CTSF: variants seen among roughly 807,000 people sequenced by gnomAD.
The protein encoded by CTSF is cathepsin F.
A neutral mutation model predicts 63.5 loss-of-function variants in CTSF; 65 were observed. The observed-to-expected ratio is 1.02, with a 90% CI of 0.84 to 1.26. The LOEUF (loss-of-function observed/expected upper bound fraction) is 1.26. CTSF is among the 50% of genes most tolerant of loss of function. The pLI, the probability that CTSF is intolerant of heterozygous loss-of-function variation, is 0.00. For synonymous variants in CTSF, 256 were observed against 258.1 expected (o/e 0.99, Z 0.08); for missense variants, 641 against 631.0 (o/e 1.02, Z -0.17).
rs754063980 is a variant in CTSF, at chr11:66,568,086, G to A, written c.214-4C>T. Reference sequence around the variant, plus strand: ...AGTACAGCGACCCCTGACCCGCCTGGAGAGAGGAGTAGGTGAGGCGGGCAC... The same window carrying A: ...AGTACAGCGACCCCTGACCCGCCTGAAGAGAGGAGTAGGTGAGGCGGGCAC... On this transcript the variant is annotated splice_polypyrimidine_tract_variant and splice_region_variant and intron_variant, in intron 1 of 12. Transcript: ENST00000310325. 6.2e-7 allele frequency: 1 copy of A among 1,605,344 alleles called. No homozygotes were observed. The highest frequency in any genetic ancestry group is 8.5e-7 in the Non-Finnish European group (1 of 1,177,222).
Position 66,566,393 on chromosome 11 carries a change from G to C in CTSF, c.619C>G (p.Arg207Gly), listed in dbSNP as rs1210192124. 2 of 1,613,886 alleles carry C rather than the reference G, an allele frequency of 1.2e-6. No individual in the cohort carries two copies. The highest frequency in any genetic ancestry group is 1.3e-5 in the African/African-American group (1 of 75,002). ...TYESKEEARW[R>G]LSVFVNNMVR... ...ATGTTATTGACAAAGACGGACAGGC[G>C]CCACCGGGCTTCTGAGGACCAAGGA... Residue 207 changes from arginine (R) to glycine (G), a missense_variant, in exon 5 of 13, where the codon CGC becomes GGC. Transcript: ENST00000310325.
rs1857890299 is a variant in CTSF at position 66,564,739 on chromosome 11, C to T, written c.1230+3G>A. The T allele has an allele frequency of 6.2e-7, 1 of 1,613,904 alleles. No homozygotes were observed. The highest frequency in any genetic ancestry group is 8.5e-7 in the Non-Finnish European group (1 of 1,180,008). On this transcript the variant is annotated splice_donor_region_variant and intron_variant, in intron 10 of 12. Coordinates refer to ENST00000310325, the MANE Select transcript of CTSF (RefSeq NM_003793.4). Reference sequence around the variant, plus strand: ...GGCAGGGGCAGTGGGGCTAGGGCCTCACCTGCATGCCAAAGGCATTGATGG... The same window carrying T: ...GGCAGGGGCAGTGGGGCTAGGGCCTTACCTGCATGCCAAAGGCATTGATGG...
At position 66,564,912 on chromosome 11, in the gene CTSF, G is replaced by A. The variant is rs143674429; in HGVS notation, c.1140C>T (p.Ser380=). Residue 380 remains serine (S), a synonymous_variant, in exon 9 of 13, where the codon TCC becomes TCT. Coordinates refer to ENST00000310325, the MANE Select transcript of CTSF (RefSeq NM_003793.4). ...AEKAKVYIND[S]VELSQNEQKL... is the part of the protein sequence containing the mutation. Reference sequence around the variant, plus strand: ...TCTGCTCGTTCTGGCTCAGCTCCACGGAGTCATTGATGTAGACCTTGGCCT... The same window carrying A: ...TCTGCTCGTTCTGGCTCAGCTCCACAGAGTCATTGATGTAGACCTTGGCCT... 5.7e-5 allele frequency: 92 copies of A among 1,610,686 alleles called. No homozygotes were observed. Among genetic ancestry groups the A allele is most frequent in the African/African-American group, 9.4e-5 (7 of 74,850 alleles).
Position 66,568,592 on chromosome 11 carries a change from G to A in CTSF, c.-106C>T, listed in dbSNP as rs560375152. 6.2e-5 allele frequency: 82 copies of A among 1,314,042 alleles called. No homozygotes were observed. The highest frequency in any genetic ancestry group is 2.7e-4 in the South Asian group (17 of 63,406). 81.4% of individuals were successfully genotyped at this position (1,314,042 alleles called of 1,614,324 possible). A position where few individuals can be genotyped will look rare whatever the true frequency, so the allele number is the denominator to read the frequency against. ...TGAGTCCTCCCTCCAGCGGGGCGAC[G>A]GCACGCCGACCAATGGGCGCTGGTT... is the stretch of plus-strand genomic sequence containing the variant. On this transcript the variant is annotated 5_prime_UTR_variant, in exon 1 of 13. Coordinates refer to ENST00000310325, the MANE Select transcript of CTSF (RefSeq NM_003793.4).
In CTSF at chr11:66,567,279, T is replaced by C. The variant is rs1857952352; in HGVS notation, c.574A>G (p.Ile192Val). The part of the protein sequence containing the change: ...KMASIFKNFV[I>V]TYNRTYESKE... ...GACTCATATGTCCGGTTATAGGTAA[T>C]GACAAAGTTCTTGAAGATTGAAGCC... The change falls in exon 4 of 13, where the codon ATT (isoleucine) becomes GTT (valine). Residue 192 changes from isoleucine to valine, a missense_variant. Physicochemically the swap from Ile to Val is conservative, Grantham distance 29. Coordinates refer to ENST00000310325, the MANE Select transcript of CTSF (RefSeq NM_003793.4). 1 of 1,614,192 alleles carries C rather than the reference T, an allele frequency of 6.2e-7. No individual in the cohort carries two copies. The highest frequency in any genetic ancestry group is 8.5e-7 in the Non-Finnish European group (1 of 1,180,040).
chr11:66,566,262 T>C (rs767970620), intron 5 of CTSF, 29 bp downstream of exon 5: 1 of 1,614,010 alleles, frequency 6.2e-7, no homozygotes, highest in East Asian at 2.2e-5. Context: ...TCTTCCTGGA[T>C]CCATGAGGAC....
chr11:66,568,125 C>G, intron 1 of CTSF, 43 bp from the exon 2 acceptor site: 1 of 1,593,476 alleles, frequency 6.3e-7, no homozygotes, highest in Non-Finnish European at 8.5e-7. Flanking sequence ...CGGCCCTTGA[C>G]GGCGCCCAAG....
In CTSF at chr11:66,564,413, G is replaced by A. The variant is rs1857879810; in HGVS notation, c.1321+145C>T. 10 of 829,990 alleles carry A rather than the reference G, an allele frequency of 1.2e-5. No individual in the cohort carries two copies. The South Asian group carries it at 1.6e-4, about 14-fold the overall frequency. 51.4% of individuals were successfully genotyped at this position (829,990 alleles called of 1,614,324 possible). ...CTTCCCTGCCATAGAGAGGACAGAT[G>A]ATGCCCAGCTGGTCATGGCCCAGGC... On this transcript the variant is annotated intron_variant, in intron 11 of 12. Coordinates refer to ENST00000310325, the MANE Select transcript of CTSF (RefSeq NM_003793.4).
rs774163854 is a variant in CTSF, at chr11:66,566,415, AG to A, written c.608-12del. The A allele has an allele frequency of 2.5e-6, 4 of 1,613,364 alleles. No homozygotes were observed. The highest frequency in any genetic ancestry group is 3.4e-6 in the Non-Finnish European group (4 of 1,179,720). On this transcript the variant is annotated splice_polypyrimidine_tract_variant and intron_variant, in intron 4 of 12. Coordinates refer to ENST00000310325, the MANE Select transcript of CTSF (RefSeq NM_003793.4). ...GGCGCCACCGGGCTTCTGAGGACCA[AG>A]GAGCAGAAGAGGAGGGGTTCGACCC... is the stretch of plus-strand genomic sequence containing the variant.
chr11:66,565,012 G>C lies in CTSF; in HGVS notation c.1046-6C>G. The C allele has an allele frequency of 6.4e-7, 1 of 1,552,824 alleles. No individual in the cohort carries two copies. The highest frequency in any genetic ancestry group is 8.7e-7 in the Non-Finnish European group (1 of 1,146,386). On this transcript the variant is annotated splice_region_variant and splice_polypyrimidine_tract_variant and intron_variant, in intron 8 of 12. Transcript: ENST00000310325. ...ATCCTCTGTCTCCAGCCCTCCTGGG[G>C]AACGGTGGGGGTGAGTAGAGAAGGG...
Position 66,567,586 on chromosome 11 carries a change from T to C in CTSF, c.389A>G (p.Lys130Arg). The C allele has an allele frequency of 6.2e-7, 1 of 1,614,214 alleles. No homozygotes were observed. The highest frequency in any genetic ancestry group is 2.2e-5 in the East Asian group (1 of 44,886). ...CTTGGGCTCCCCAGCACCTGGAACCTTGGTGTCCACTGGGCCACAGTCCTT... is the reference window on the plus strand; with the variant it reads ...CTTGGGCTCCCCAGCACCTGGAACCCTGGTGTCCACTGGGCCACAGTCCTT... ...LRKDCGPVDTKVPGAGEPKSA... is the reference protein window; with the variant it reads ...LRKDCGPVDTRVPGAGEPKSA... Residue 130 changes from lysine to arginine, a missense_variant, in exon 3 of 13, where the codon AAG (lysine) becomes AGG (arginine). Lys to Arg is a conservative substitution (Grantham distance 26). Transcript: ENST00000310325.
chr11:66,566,423 A>G lies in CTSF; in HGVS notation c.608-19T>C. ...CGGGCTTCTGAGGACCAAGGAGCAG[A>G]AGAGGAGGGGTTCGACCCCAGGCAG... On this transcript the variant is annotated intron_variant, in intron 4 of 12. Transcript: ENST00000310325. 2.5e-6 allele frequency: 4 copies of G among 1,612,438 alleles called. No individual in the cohort carries two copies. The highest frequency in any genetic ancestry group is 3.4e-6 in the Non-Finnish European group (4 of 1,179,192).
Position 66,567,432 on chromosome 11 carries a change from AGGGCTCCTCACCT to A in CTSF, c.530_531+11del, listed in dbSNP as rs2134954887. 2.5e-6 allele frequency: 4 copies of A among 1,610,880 alleles called. No homozygotes were observed. The highest frequency in any genetic ancestry group is 3.4e-6 in the Non-Finnish European group (4 of 1,179,490). On this transcript the variant is annotated splice_donor_variant and splice_donor_5th_base_variant and coding_sequence_variant and intron_variant, in exon 3 of 13. Transcript: ENST00000310325. LOFTEE classifies it high-confidence loss of function. ...CTCAAGCTGAGGGCTCCTCAAGCTG[AGGGCTCCTCACCT>A]GGGACAGGGGATCCTCATTCAACAG...
rs201500574 is a variant in CTSF, at chr11:66,564,952, T to C, written c.1100A>G (p.Asn367Ser). 62 of 1,599,566 alleles carry C rather than the reference T, an allele frequency of 3.9e-5. No homozygotes were observed. The highest frequency in any genetic ancestry group is 3.7e-4 in the Admixed American group (22 of 59,502). ...GACCTTGGCCTTCTCTGCTGAGAAGTTGCAGGACTGCATGTGACCCTGGTA... is the reference window on the plus strand; with the variant it reads ...GACCTTGGCCTTCTCTGCTGAGAAGCTGCAGGACTGCATGTGACCCTGGTA... ...YSYQGHMQSCNFSAEKAKVYI... is the reference protein window; with the variant it reads ...YSYQGHMQSCSFSAEKAKVYI... The change falls in exon 9 of 13, where the codon AAC (asparagine) becomes AGC (serine). Residue 367 changes from asparagine (N) to serine (S), a missense_variant. Asn to Ser is a conservative substitution (Grantham distance 46). Transcript: ENST00000310325.
chr11:66,564,631 G>A lies in CTSF; in HGVS notation c.1248C>T (p.Ile416=). ...AFGMQFYRHG[I]SRPLRPLCSP... ...TGCAGAGGGGCCGGAGAGGGCGGGA[G>A]ATCCCGTGGCGGTAAAACTGGAGGT... is the stretch of plus-strand genomic sequence containing the variant. Residue 416 remains isoleucine (I), a synonymous_variant, in exon 11 of 13, where the codon ATC becomes ATT. Transcript: ENST00000310325. 2 of 1,608,890 alleles carry A rather than the reference G, an allele frequency of 1.2e-6. No homozygotes were observed. The highest frequency in any genetic ancestry group is 1.1e-5 in the South Asian group (1 of 90,294).
In CTSF at chr11:66,565,104, C is replaced by T. The variant is rs147474454; in HGVS notation, c.1046-98G>A. The T allele has an allele frequency of 2.1e-5, 32 of 1,492,826 alleles. No homozygotes were observed. In the African/African-American group the frequency reaches 2.7e-4, roughly 12 times the overall value. 92.5% of individuals were successfully genotyped at this position (1,492,826 alleles called of 1,614,324 possible). ...CCTCTACGCGAGGTTTCACATTCCT[C>T]GTCCACCCCAGGCCACAGGCCATCC... is the stretch of plus-strand genomic sequence containing the variant. On this transcript the variant is annotated intron_variant, in intron 8 of 12. Transcript: ENST00000310325.
chr11:66,567,468 C>T lies in CTSF; in HGVS notation c.507G>A (p.Leu169=), dbSNP rs1857957214. The T allele has an allele frequency of 6.2e-7, 1 of 1,614,198 alleles. No homozygotes were observed. The highest frequency in any genetic ancestry group is 2.2e-5 in the East Asian group (1 of 44,884). The part of the protein sequence containing the change: ...RNETFSSVIS[L]LNEDPLSQDL... ...CCTGGGACAGGGGATCCTCATTCAA[C>T]AGGGAAATGACTGAGCTGAAAGTCT... Residue 169 remains leucine, a synonymous_variant, in exon 3 of 13, where the codon CTG becomes CTA. Transcript: ENST00000310325.
At chr11:66,564,236 G>A in intron 11 of CTSF, 90 bp from the exon 12 acceptor site, 1 of 1,447,230 alleles carries the variant, frequency 6.9e-7, no homozygotes, top group South Asian at 1.2e-5. Flanking sequence ...ACTTGCACTG[G>A]GCCTACTGTG....
rs1163912507 is a variant in CTSF at position 66,565,665 on chromosome 11, G to T, written c.1045+6C>A. The T allele has an allele frequency of 1.2e-6, 2 of 1,613,154 alleles. No individual in the cohort carries two copies. The highest frequency in any genetic ancestry group is 3.3e-5 in the Admixed American group (2 of 59,992). ...GGTTGCCCCTCCTGACCCCATTAATGCATACCCAAATTCTTTATGGCCGAG... is the reference window on the plus strand; with the variant it reads ...GGTTGCCCCTCCTGACCCCATTAATTCATACCCAAATTCTTTATGGCCGAG... On this transcript the variant is annotated splice_donor_region_variant and intron_variant, in intron 8 of 12. Transcript: ENST00000310325.
Sources: allele counts gnomAD v4.1 joint callset, GRCh38; gene constraint gnomAD v4.1.1; transcripts MANE v1.5; gene names NCBI Gene and HGNC (gene_info 2026-07-23, HGNC 2026-07-21).